COPS7A: variants seen among roughly 807,000 people sequenced by gnomAD.
COPS7A encodes the protein COP9 signalosome complex subunit 7a.
In COPS7A, 20 loss-of-function variants were observed where a neutral mutation model predicts 35.2. The ratio of observed to expected loss-of-function variants is 0.57; its 90% CI spans 0.40 to 0.83. COPS7A has a LOEUF of 0.83. Ranked by LOEUF, COPS7A falls within the 40% of genes least tolerant of loss-of-function variation. COPS7A has a pLI of 0.00. For missense variants in COPS7A, 247 were observed against 347.5 expected, an observed-to-expected ratio of 0.71 and a Z score of 2.30; for synonymous variants, 139 against 141.4, an observed-to-expected ratio of 0.98 and a Z score of 0.12.
chr12:6,728,988 C>G (rs1387073667), intron 4 of COPS7A: 2 of 486,534 alleles, frequency 4.1e-6, no homozygotes, highest in African/African-American at 3.9e-5. Flanking sequence ...GTCATTTTCT[C>G]CTTCTGTGGT....
rs1035945974 is a variant in COPS7A at position 6,729,187 on chromosome 12, T to C, written c.328-60T>C. ...GCAGGGGGAAAAGGAGGGAAGATTTTTGGAAGCCCTTCTCTACTACGGAGC... is the reference window on the plus strand; with the variant it reads ...GCAGGGGGAAAAGGAGGGAAGATTTCTGGAAGCCCTTCTCTACTACGGAGC... On this transcript the variant is annotated intron_variant, in intron 4 of 7. Coordinates refer to ENST00000543155, the MANE Select transcript of COPS7A (RefSeq NM_001164094.2). The surrounding 1 kb of genome is among the most constrained non-coding windows in gnomAD (Gnocchi z 4.2). The C allele has an allele frequency of 6.3e-7, 1 of 1,579,314 alleles. No individual in the cohort carries two copies. The highest frequency in any genetic ancestry group is 8.7e-7 in the Non-Finnish European group (1 of 1,149,962).
Position 6,730,814 on chromosome 12 carries a change from G to T in COPS7A, c.782G>T (p.Gly261Val). Residue 261 changes from glycine (G) to valine (V), a missense_variant, in exon 7 of 8, where the codon GGC becomes GTC. Gly to Val is a moderately radical substitution (Grantham distance 109, BLOSUM62 -3). Transcript: ENST00000543155. The part of the protein sequence containing the change: ...QRQPSKKASK[G>V]KGLRGSAKIW... ...CAGCCCAGCAAGAAAGCCTCAAAGG[G>T]CAAGGGGTGAGCCAGGGTAGCAGGA... The T allele has an allele frequency of 1.2e-6, 2 of 1,614,072 alleles. No homozygotes were observed. The highest frequency in any genetic ancestry group is 2.2e-5 in the South Asian group (2 of 91,076).
At chr12:6,726,593 ACT>A (rs1214001640) in intron 2 of COPS7A, among the ~76,000 whole-genome samples, 2 of 129,754 alleles carry the variant, frequency 1.5e-5, no homozygotes, top group African/African-American at 5.8e-5. Flanking sequence ...ACAGAGTGAG[ACT>A]CTGTCTCAAA....
chr12:6,724,545 C>T (rs1164274579), intron 1 of COPS7A, 69 bp from the exon 2 acceptor site: 14 of 1,298,658 alleles, frequency 1.1e-5, no homozygotes, highest in South Asian at 2.4e-5. Flanking sequence ...CAATCCAGTC[C>T]CTCAGCCTTG....
In COPS7A at chr12:6,730,804, G is replaced by A. The variant is rs1485274845; in HGVS notation, c.772G>A (p.Ala258Thr). The A allele has an allele frequency of 1.8e-5, 29 of 1,614,042 alleles. No individual in the cohort carries two copies. Among genetic ancestry groups the A allele is most frequent in the Non-Finnish European group, 2.5e-5 (29 of 1,180,026 alleles). ...CAACCAGCGCCAGCCCAGCAAGAAAGCCTCAAAGGGCAAGGGGTGAGCCAG... is the reference window on the plus strand; with the variant it reads ...CAACCAGCGCCAGCCCAGCAAGAAAACCTCAAAGGGCAAGGGGTGAGCCAG... ...GTNQRQPSKK[A>T]SKGKGLRGSA... The change falls in exon 7 of 8, where the codon GCC (alanine) becomes ACC (threonine). Residue 258 changes from alanine (A) to threonine (T), a missense_variant. Ala to Thr is a moderately conservative substitution (Grantham distance 58). Transcript: ENST00000543155.
intron 2 of COPS7A, among the ~76,000 whole-genome samples, chr12:6,726,209 A>T (rs1044071974): frequency 2.0e-5 from 3 of 150,626 alleles, no homozygotes; most frequent in Non-Finnish European, 3.0e-5. Context: ...AGCTGCTTGG[A>T]AGGGTGAGGC....
In COPS7A at chr12:6,729,239, G is replaced by A. The variant is rs758707990; in HGVS notation, c.328-8G>A. 9.9e-6 allele frequency: 16 copies of A among 1,614,014 alleles called. No individual in the cohort carries two copies. Among genetic ancestry groups the A allele is most frequent in the African/African-American group, 2.7e-5 (2 of 74,996 alleles). ...TCACAAATCCTGGCCTGATCTCCGC[G>A]GCCCCAGTGTATCCCATATGCAGTG... On this transcript the variant is annotated splice_polypyrimidine_tract_variant and splice_region_variant and intron_variant, in intron 4 of 7. Coordinates refer to ENST00000543155, the MANE Select transcript of COPS7A (RefSeq NM_001164094.2). This position sits in a 1 kb window ranked among gnomAD's most constrained non-coding sequence, Gnocchi z 4.2.
intron 2 of COPS7A, among the ~76,000 whole-genome samples, chr12:6,726,888 G>A (rs1255543230): frequency 6.6e-6 from 1 of 152,220 alleles, no homozygotes; most frequent in Non-Finnish European, 1.5e-5. Flanking sequence ...GAAGAGAGAA[G>A]ATGAATGGAT....
intron 2 of COPS7A, chr12:6,727,583 ACT>A (rs1161898214): frequency 8.7e-6 from 4 of 460,590 alleles, no homozygotes; most frequent in Non-Finnish European, 1.7e-5. Flanking sequence ...AACATCAAAC[ACT>A]CTGAGGGCAG....
chr12:6,730,064 G>A (rs1044455210), intron 5 of COPS7A, among the ~76,000 whole-genome samples: 15 of 152,118 alleles, frequency 9.9e-5, no homozygotes, highest in African/African-American at 3.4e-4. Flanking sequence ...TGCTCAGTTT[G>A]GAGTGCAGTG....
Position 6,730,493 on chromosome 12 carries a change from C to T in COPS7A, c.622C>T (p.Gln208Ter), listed in dbSNP as rs1467577283. ...HKEQQLGLKQ[Q>*]IESEVANLKK... Reference sequence around the variant, plus strand: ...GGAGCAGCAGCTGGGCCTGAAGCAGCAGATTGAGAGTGAGGTGAGCAGTCA... The same window carrying T: ...GGAGCAGCAGCTGGGCCTGAAGCAGTAGATTGAGAGTGAGGTGAGCAGTCA... Residue 208 changes from glutamine (Q) to a stop codon, truncating the protein, a stop_gained, in exon 6 of 8, where the codon CAG (glutamine) becomes TAG (stop). Coordinates refer to ENST00000543155, the MANE Select transcript of COPS7A (RefSeq NM_001164094.2). LOFTEE classifies it high-confidence loss of function. 1 of 1,614,114 alleles carries T rather than the reference C, an allele frequency of 6.2e-7. No homozygotes were observed.
At chr12:6,725,082 C>G (rs753970486) in intron 2 of COPS7A, among the ~76,000 whole-genome samples, 1 of 152,018 alleles carries the variant, frequency 6.6e-6, no homozygotes, top group Non-Finnish European at 1.5e-5. Context: ...TCCAGCCGGT[C>G]TCCACCAGTG....
chr12:6,724,840 C>T (rs371102471), intron 2 of COPS7A, 22 bp downstream of exon 2: 43 of 1,610,946 alleles, frequency 2.7e-5, no homozygotes, highest in African/African-American at 4.0e-5. Context: ...GCTTGAATAG[C>T]CCTCAGAGAA....
chr12:6,727,965 A>G lies in COPS7A; in HGVS notation c.202A>G (p.Thr68Ala), dbSNP rs988348156. Residue 68 changes from threonine (T) to alanine (A), a missense_variant, in exon 3 of 8, where the codon ACA (threonine) becomes GCA (alanine). Coordinates refer to ENST00000543155, the MANE Select transcript of COPS7A (RefSeq NM_001164094.2). ...CTTTGCCTCTACCTTCCGGCTGCTC[A>G]CAGTGTTTGCTTATGGGACATACGC... ...SDFASTFRLL[T>A]VFAYGTYADY... 6.2e-7 allele frequency: 1 copy of G among 1,614,162 alleles called. No homozygotes were observed. The highest frequency in any genetic ancestry group is 1.3e-5 in the African/African-American group (1 of 75,030).
chr12:6,727,716 G>A, intron 2 of COPS7A: 1 of 677,430 alleles, frequency 1.5e-6, no homozygotes, highest in South Asian at 1.5e-5. Context: ...TTGTGGTTTG[G>A]GAGAATAGTG....
Position 6,730,414 on chromosome 12 carries a change from T to C in COPS7A, c.543T>C (p.Cys181=). The part of the protein sequence containing the change: ...ARTLQEWCVG[C]EVVLSGIEEQ... The stretch of plus-strand genomic sequence containing the variant: ...CTGACTCCTGCAGGTGTGTGGGCTG[T>C]GAGGTCGTGCTGTCAGGCATTGAGG... Residue 181 remains cysteine (C), a synonymous_variant, in exon 6 of 8, where the codon TGT becomes TGC. Transcript: ENST00000543155. 1 of 1,613,978 alleles carries C rather than the reference T, an allele frequency of 6.2e-7. No homozygotes were observed. Among genetic ancestry groups the C allele is most frequent in the Non-Finnish European group, 8.5e-7 (1 of 1,179,952 alleles).
At chr12:6,725,271 C>G (rs1417645439) in intron 2 of COPS7A, among the ~76,000 whole-genome samples, 1 of 151,948 alleles carries the variant, frequency 6.6e-6, no homozygotes. Flanking sequence ...ATTCTCCTGC[C>G]TCAGCCTCCT....
intron 7 of COPS7A, 21 bp downstream of exon 7, chr12:6,730,841 C>T (rs1408518744): frequency 1.2e-6 from 2 of 1,613,182 alleles, no homozygotes; most frequent in African/African-American, 1.3e-5. Context: ...GTAGCAGGAA[C>T]TGCTCACTTG....
At position 6,731,344 on chromosome 12, in the gene COPS7A, G is replaced by C. The variant is rs552152757; in HGVS notation, c.*305G>C. The C allele has an allele frequency of 7.1e-7, 1 of 1,406,252 alleles. No individual in the cohort carries two copies. The highest frequency in any genetic ancestry group is 1.4e-5 in the African/African-American group (1 of 69,254). 87.1% of individuals were successfully genotyped at this position (1,406,252 alleles called of 1,614,324 possible). A position where few individuals can be genotyped will look rare whatever the true frequency, so the allele number is the denominator to read the frequency against. On this transcript the variant is annotated 3_prime_UTR_variant, in exon 8 of 8. Transcript: ENST00000543155. ...CCTGTTCATTACATGTCATTGAGTAGGTGGGTAGCCCTGATGGGGGTCGCT... is the reference window on the plus strand; with the variant it reads ...CCTGTTCATTACATGTCATTGAGTACGTGGGTAGCCCTGATGGGGGTCGCT...
Sources: gnomAD v4.1 joint callset for allele counts (sites outside exome capture counted in the v4.1 genomes callset) on GRCh38, gnomAD v4.1.1 for gene constraint, Gnocchi (gnomAD v3.1) non-coding constraint, MANE v1.5 for transcripts, NCBI Gene and HGNC (gene_info 2026-07-23, HGNC 2026-07-21) for gene names.